The following SMYD3 variants were observed in gnomAD, a reference collection of about 807,000 sequenced individuals.
The protein encoded by SMYD3 is SET and MYND domain containing 3.
A neutral mutation model predicts 57.7 loss-of-function variants in SMYD3; 36 were observed. The ratio of observed to expected loss-of-function variants is 0.62; its 90% CI spans 0.48 to 0.82. The LOEUF (loss-of-function observed/expected upper bound fraction) is 0.82. SMYD3 is among the 40% of genes least tolerant of loss of function. The pLI is 0.00. For synonymous variants in SMYD3, 211 were observed against 195.0 expected (o/e 1.08, Z -0.68); for missense variants, 515 against 538.8 (o/e 0.96, Z 0.44).
intron 5 of SMYD3, among the ~76,000 whole-genome samples, chr1:246,073,219 G>T (rs2060487868): frequency 6.6e-6 from 1 of 152,166 alleles, no homozygotes; most frequent in Admixed American, 6.5e-5. Flanking sequence ...GTGTGTTGAT[G>T]CTTGCAAAGA....
intron 5 of SMYD3, among the ~76,000 whole-genome samples, chr1:245,939,667 GGA>G (rs993679168): frequency 6.6e-6 from 1 of 152,038 alleles, no homozygotes; most frequent in Non-Finnish European, 1.5e-5. Flanking sequence ...CTGGCCTAGA[GGA>G]GACAGGCTGA....
chr1:246,404,993 T>C (rs2066837784), intron 1 of SMYD3, among the ~76,000 whole-genome samples: 1 of 152,162 alleles, frequency 6.6e-6, no homozygotes, highest in African/African-American at 2.4e-5. Flanking sequence ...ACTTTGTCAC[T>C]CAGGCTGAAG....
intron 5 of SMYD3, among the ~76,000 whole-genome samples, chr1:246,309,442 A>G (rs2065038481): frequency 6.6e-6 from 1 of 152,230 alleles, no homozygotes. Flanking sequence ...CAAACATGTC[A>G]GAACTGAATG....
chr1:246,443,566 T>C (rs2067502359), intron 1 of SMYD3, among the ~76,000 whole-genome samples: 1 of 152,126 alleles, frequency 6.6e-6, no homozygotes, highest in Non-Finnish European at 1.5e-5. Flanking sequence ...CCCATACAAA[T>C]AGAGATGCTA....
At chr1:245,896,632 C>T (rs115698655) in intron 8 of SMYD3, among the ~76,000 whole-genome samples, 3,229 of 152,150 alleles carry the variant, frequency 0.021, 129 homozygotes, top group African/African-American at 0.074. Flanking sequence ...CAAAAGAGGC[C>T]GGGATAAACA....
chr1:246,374,261 A>G (rs144289860), intron 1 of SMYD3, among the ~76,000 whole-genome samples: 1 of 152,322 alleles, frequency 6.6e-6, no homozygotes, highest in African/African-American at 2.4e-5. Flanking sequence ...CTCATTATTC[A>G]TATATTCCAT....
rs116033056 is a variant in SMYD3 at position 246,199,784 on chromosome 1, T to C, written c.531+127417A>G. Among the ~76,000 whole-genome samples, 610 of 152,348 alleles carry C rather than the reference T, an allele frequency of 4.0e-3. 2 individuals carry two copies. Among genetic ancestry groups the C allele is most frequent in the Non-Finnish European group, 6.7e-3 (457 of 68,036 alleles). On this transcript the variant is annotated intron_variant, in intron 5 of 11. Transcript: ENST00000490107. ...ATGCTATTCCTAGAAGAGAACAGCA[T>C]AGATGCTGAGCGAGAATGTACACAG... is the stretch of plus-strand genomic sequence containing the variant.
intron 5 of SMYD3, among the ~76,000 whole-genome samples, chr1:246,135,829 T>A (rs2061657947): frequency 6.6e-6 from 1 of 152,210 alleles, no homozygotes; most frequent in Non-Finnish European, 1.5e-5. Flanking sequence ...AAGAGTCATC[T>A]AGTTCAAACT....
intron 1 of SMYD3, among the ~76,000 whole-genome samples, chr1:246,443,104 T>C (rs2067495856): frequency 6.6e-6 from 1 of 152,252 alleles, no homozygotes; most frequent in South Asian, 2.1e-4. Context: ...TTTTACTCTC[T>C]TATGTATTTG....
intron 5 of SMYD3, among the ~76,000 whole-genome samples, chr1:246,106,933 C>G (rs1015673867): frequency 6.6e-6 from 1 of 152,136 alleles, no homozygotes; most frequent in Admixed American, 6.5e-5. Flanking sequence ...AAAAACAGCT[C>G]TCAAGTAGGG....
chr1:246,357,856 C>G (rs1241668942), intron 1 of SMYD3, among the ~76,000 whole-genome samples: 1 of 152,112 alleles, frequency 6.6e-6, no homozygotes, highest in Non-Finnish European at 1.5e-5. Flanking sequence ...AAAATAGAAC[C>G]TCCTTAAAAC....
intron 5 of SMYD3, among the ~76,000 whole-genome samples, chr1:245,955,146 C>T (rs1219095557): frequency 1.3e-5 from 2 of 152,154 alleles, no homozygotes; most frequent in Non-Finnish European, 2.9e-5. Flanking sequence ...GGCTGGACTG[C>T]AGTGGCGCGA....
chr1:246,406,748 G>A (rs2066872012), intron 1 of SMYD3, among the ~76,000 whole-genome samples: 1 of 152,202 alleles, frequency 6.6e-6, no homozygotes, highest in African/African-American at 2.4e-5. Flanking sequence ...TAGCTAGTAA[G>A]TGACAGTGTC....
chr1:246,001,316 G>T (rs1365061488), intron 5 of SMYD3, among the ~76,000 whole-genome samples: 1 of 152,178 alleles, frequency 6.6e-6, no homozygotes, highest in East Asian at 1.9e-4. Flanking sequence ...AATATGCCAG[G>T]CAAGTCCAAA....
intron 5 of SMYD3, among the ~76,000 whole-genome samples, chr1:246,268,060 G>A (rs1485555742): frequency 1.3e-5 from 2 of 152,150 alleles, no homozygotes; most frequent in Admixed American, 6.5e-5. Context: ...TGTCAGAGGC[G>A]TGTGAACCAG....
At chr1:246,363,788 A>G (rs1332233782) in intron 1 of SMYD3, among the ~76,000 whole-genome samples, 1 of 152,074 alleles carries the variant, frequency 6.6e-6, no homozygotes, top group Admixed American at 6.5e-5. Context: ...ACACTGCGGA[A>G]GGCCGCAGGG....
At chr1:246,481,410 C>G (rs1367912892) in intron 1 of SMYD3, among the ~76,000 whole-genome samples, 1 of 150,726 alleles carries the variant, frequency 6.6e-6, no homozygotes, top group African/African-American at 2.4e-5. Flanking sequence ...CCAATTAGAA[C>G]AAAAGAATGG....
At chr1:246,107,750 G>A (rs1025192856) in intron 5 of SMYD3, among the ~76,000 whole-genome samples, 2 of 152,206 alleles carry the variant, frequency 1.3e-5, no homozygotes, top group Non-Finnish European at 2.9e-5. Context: ...ACCTCCAGCT[G>A]TGCTGATGCC....
intron 5 of SMYD3, among the ~76,000 whole-genome samples, chr1:245,989,607 C>G (rs926863980): frequency 2.6e-5 from 4 of 152,228 alleles, no homozygotes; most frequent in Non-Finnish European, 4.4e-5. Context: ...GCAAACACAA[C>G]GAAGGCTTCT....
Sources: gnomAD v4.1 joint callset for allele counts (sites outside exome capture counted in the v4.1 genomes callset) on GRCh38, gnomAD v4.1.1 for gene constraint, MANE v1.5 for transcripts, NCBI Gene and HGNC (gene_info 2026-07-23, HGNC 2026-07-21) for gene names.